The following TMEM132D variants were observed in gnomAD, a reference collection of about 807,000 sequenced individuals.
TMEM132D encodes mature OL transmembrane protein.
A neutral mutation model predicts 62.3 loss-of-function variants in TMEM132D; 21 were observed. The ratio of observed to expected loss-of-function variants is 0.34; its 90% CI spans 0.24 to 0.49. The LOEUF (loss-of-function observed/expected upper bound fraction) is 0.49, where lower values mean the gene tolerates loss of function less well. Among genes scored for constraint, TMEM132D ranks in the 20% least tolerant of loss-of-function variants. TMEM132D has a pLI of 0.99. For synonymous variants in TMEM132D, 621 were observed against 575.6 expected, an observed-to-expected ratio of 1.08 and a Z score of -1.13; for missense variants, 1,346 against 1,402.8, an observed-to-expected ratio of 0.96 and a Z score of 0.65.
chr12:129,688,269 C>T (rs749888072), intron 2 of TMEM132D, among the ~76,000 whole-genome samples: 4 of 152,172 alleles, frequency 2.6e-5, no homozygotes, highest in Non-Finnish European at 5.9e-5. Context: ...TAAATGTCTA[C>T]TTTCCCAAAC....
intron 2 of TMEM132D, among the ~76,000 whole-genome samples, chr12:129,597,869 A>G (rs976415786): frequency 6.6e-6 from 1 of 152,146 alleles, no homozygotes; most frequent in Non-Finnish European, 1.5e-5. Flanking sequence ...ACTGGGTCCT[A>G]TATTTAGAAG....
At chr12:129,459,376 C>T (rs1470611314) in intron 3 of TMEM132D, among the ~76,000 whole-genome samples, 2 of 152,198 alleles carry the variant, frequency 1.3e-5, no homozygotes, top group East Asian at 1.9e-4. Flanking sequence ...ATCTCTCCAA[C>T]GTTTATGGAG....
intron 1 of TMEM132D, among the ~76,000 whole-genome samples, chr12:129,766,375 A>C (rs1870555209): frequency 6.6e-6 from 1 of 152,172 alleles, no homozygotes; most frequent in Admixed American, 6.5e-5. Context: ...GAAATTTTGA[A>C]ATGTGTTAAA....
intron 2 of TMEM132D, among the ~76,000 whole-genome samples, chr12:129,586,047 A>G (rs1878022241): frequency 6.6e-6 from 1 of 152,178 alleles, no homozygotes. Context: ...TCTTTGGAAT[A>G]AAATAGAGGG....
chr12:129,610,564 G>A (rs943035422), intron 2 of TMEM132D, among the ~76,000 whole-genome samples: 4 of 152,082 alleles, frequency 2.6e-5, no homozygotes, highest in African/African-American at 9.7e-5. Flanking sequence ...TTCTCGTGGG[G>A]TTGGGTTTCT....
chr12:129,489,191 G>A (rs1026932298), intron 3 of TMEM132D, among the ~76,000 whole-genome samples: 52 of 152,322 alleles, frequency 3.4e-4, no homozygotes, highest in African/African-American at 1.3e-3. Context: ...TTAAGTAAGG[G>A]ATAAGGCAAA....
chr12:129,546,925 T>G (rs2137102413), intron 2 of TMEM132D, among the ~76,000 whole-genome samples: 1 of 152,356 alleles, frequency 6.6e-6, no homozygotes, highest in African/African-American at 2.4e-5. Context: ...TACAGTTTAT[T>G]AATAAGCTAA....
intron 5 of TMEM132D, among the ~76,000 whole-genome samples, chr12:129,195,451 T>C (rs966771480): frequency 2.6e-5 from 4 of 151,742 alleles, no homozygotes; most frequent in Non-Finnish European, 4.4e-5. Context: ...AGAAATAATG[T>C]GATGTGGCCC....
chr12:129,659,416 GA>G (rs1880178832), intron 2 of TMEM132D, among the ~76,000 whole-genome samples: 1 of 151,650 alleles, frequency 6.6e-6, no homozygotes, highest in African/African-American at 2.4e-5. Flanking sequence ...TGTCTGGCAG[GA>G]AAACAAAAAA....
intron 3 of TMEM132D, among the ~76,000 whole-genome samples, chr12:129,510,799 G>A (rs558921318): frequency 7.9e-5 from 12 of 152,122 alleles, no homozygotes; most frequent in Non-Finnish European, 1.3e-4. Context: ...ATCTACTGAA[G>A]AGACTGTCCT....
intron 5 of TMEM132D, among the ~76,000 whole-genome samples, chr12:129,203,502 G>A (rs1391399606): frequency 6.6e-6 from 1 of 151,612 alleles, no homozygotes; most frequent in African/African-American, 2.4e-5. Flanking sequence ...CAGGAAGCAT[G>A]TGGAGGGCAG....
At chr12:129,213,886 A>C (rs541018110) in intron 4 of TMEM132D, among the ~76,000 whole-genome samples, 1 of 152,346 alleles carries the variant, frequency 6.6e-6, no homozygotes, top group African/African-American at 2.4e-5. Flanking sequence ...CAACCGTAGC[A>C]GTGTGTAAAT....
intron 4 of TMEM132D, among the ~76,000 whole-genome samples, chr12:129,337,344 T>C (rs79525202): frequency 0.028 from 4,235 of 152,080 alleles, 212 homozygotes; most frequent in African/African-American, 0.097. Context: ...TTTCACACAA[T>C]AGCAGACCCA....
At chr12:129,306,961 T>C (rs1339236990) in intron 4 of TMEM132D, among the ~76,000 whole-genome samples, 1 of 152,126 alleles carries the variant, frequency 6.6e-6, no homozygotes, top group Non-Finnish European at 1.5e-5. Flanking sequence ...CGGGTAGGTC[T>C]GGAGATTGTG....
intron 2 of TMEM132D, among the ~76,000 whole-genome samples, chr12:129,647,012 C>A (rs1181761044): frequency 6.6e-6 from 1 of 151,778 alleles, no homozygotes. Context: ...GTTGGCCAGG[C>A]TGGTCTCAAA....
At chr12:129,866,445 C>T (rs1319523654) in intron 1 of TMEM132D, among the ~76,000 whole-genome samples, 4 of 47,464 alleles carry the variant, frequency 8.4e-5, no homozygotes, top group East Asian at 4.4e-4. Flanking sequence ...GCCTGTTGTG[C>T]GGTGGGGGGA....
At position 129,084,640 on chromosome 12, in the gene TMEM132D, C is replaced by G; in HGVS notation, c.1506G>C (p.Val502=). ...NGKEMKGKVN[V]VVNFTYQHLS... Reference sequence around the variant, plus strand: ...GGTGCTGGTAGGTGAAGTTCACCACCACGTTGACCTTGCCTTTCATTTCTT... The same window carrying G: ...GGTGCTGGTAGGTGAAGTTCACCACGACGTTGACCTTGCCTTTCATTTCTT... The change falls in exon 6 of 9, where the codon GTG becomes GTC. Residue 502 remains valine, a synonymous_variant. Transcript: ENST00000422113. 6.2e-7 allele frequency: 1 copy of G among 1,614,150 alleles called. No homozygotes were observed. The highest frequency in any genetic ancestry group is 8.5e-7 in the Non-Finnish European group (1 of 1,180,034).
chr12:129,432,918 T>C (rs1012512235), intron 3 of TMEM132D, among the ~76,000 whole-genome samples: 2 of 152,218 alleles, frequency 1.3e-5, no homozygotes, highest in African/African-American at 4.8e-5. Context: ...GCCCCTTGGG[T>C]CACCTTGCAG....
At chr12:129,610,241 C>T (rs1472243308) in intron 2 of TMEM132D, among the ~76,000 whole-genome samples, 1 of 148,668 alleles carries the variant, frequency 6.7e-6, no homozygotes, top group East Asian at 2.0e-4. Context: ...TGCACCATTG[C>T]ACTCCAGCCT....
Sources: allele counts gnomAD v4.1 joint callset (sites outside exome capture counted in the v4.1 genomes callset), GRCh38; gene constraint gnomAD v4.1.1; transcripts MANE v1.5; gene names NCBI Gene and HGNC (gene_info 2026-07-23, HGNC 2026-07-21).